MAPKAP1: variants seen among roughly 807,000 people sequenced by gnomAD.
MAPKAP1 encodes target of rapamycin complex 2 subunit MAPKAP1.
MAPKAP1 carries 20 observed loss-of-function variants against 65.7 expected under a neutral mutation model. The observed-to-expected ratio is 0.30, with a 90% CI of 0.21 to 0.44. The LOEUF (loss-of-function observed/expected upper bound fraction) is 0.44, where lower values mean the gene tolerates loss of function less well. Ranked by LOEUF, MAPKAP1 falls within the 20% of genes least tolerant of loss-of-function variation. The pLI is 1.00. For synonymous variants in MAPKAP1, 222 were observed against 244.3 expected (o/e 0.91, Z 0.85); for missense variants, 423 against 648.0 (o/e 0.65, Z 3.77).
intron 4 of MAPKAP1, among the ~76,000 whole-genome samples, chr9:125,644,418 T>C (rs1031032379): frequency 3.9e-5 from 6 of 151,992 alleles, no homozygotes; most frequent in South Asian, 2.1e-4. Context: ...AATGGCAAAA[T>C]TAATTTTTGC....
At chr9:125,687,613 C>A (rs377061707) in intron 1 of MAPKAP1, among the ~76,000 whole-genome samples, 75 of 129,488 alleles carry the variant, frequency 5.8e-4, no homozygotes, top group Admixed American at 5.5e-4. Context: ...CCCACCTATA[C>A]AAAAAAAAAA....
intron 9 of MAPKAP1, among the ~76,000 whole-genome samples, chr9:125,480,896 C>T (rs564748972): frequency 2.7e-5 from 4 of 146,990 alleles, no homozygotes; most frequent in Non-Finnish European, 4.4e-5. Context: ...GGCGTGAACC[C>T]GGTAGGAGGA....
chr9:125,531,509 T>C (rs568109477), intron 7 of MAPKAP1, among the ~76,000 whole-genome samples: 2 of 152,258 alleles, frequency 1.3e-5, no homozygotes, highest in Non-Finnish European at 1.5e-5. Flanking sequence ...TGGGAGAAAC[T>C]ATGACCTCAA....
At chr9:125,514,793 G>T (rs1829412363) in intron 7 of MAPKAP1, among the ~76,000 whole-genome samples, 1 of 152,168 alleles carries the variant, frequency 6.6e-6, no homozygotes, top group African/African-American at 2.4e-5. Context: ...ATGGCAGGAA[G>T]ACCCATTCCA....
chr9:125,448,165 T>G (rs1470284824), intron 10 of MAPKAP1, among the ~76,000 whole-genome samples: 2 of 152,124 alleles, frequency 1.3e-5, no homozygotes, highest in Non-Finnish European at 2.9e-5. Flanking sequence ...AGTGCAGTTT[T>G]GAGCTAGACA....
intron 3 of MAPKAP1, among the ~76,000 whole-genome samples, chr9:125,668,549 T>C (rs186718279): frequency 3.8e-4 from 58 of 152,308 alleles, no homozygotes; most frequent in African/African-American, 1.2e-3. Flanking sequence ...ACTGCAGATA[T>C]TTCTTTTAAA....
At position 125,631,221 on chromosome 9, in the gene MAPKAP1, G is replaced by T. The variant is rs1438250685; in HGVS notation, c.498+26430C>A. 1.3e-5 allele frequency among the ~76,000 whole-genome samples: 2 copies of T among 152,234 alleles called. 1 individual carries two copies. The highest frequency in any genetic ancestry group is 4.8e-5 in the African/African-American group (2 of 41,548). On this transcript the variant is annotated intron_variant, in intron 4 of 11. Coordinates refer to ENST00000265960, the MANE Select transcript of MAPKAP1 (RefSeq NM_001006617.3). ...TAAAAGCAGCCTGAGGCCCTCACCAGGTGCAGATGCCCAATCTCGAACTTT... is the reference window on the plus strand; with the variant it reads ...TAAAAGCAGCCTGAGGCCCTCACCATGTGCAGATGCCCAATCTCGAACTTT...
intron 8 of MAPKAP1, among the ~76,000 whole-genome samples, chr9:125,500,197 C>T (rs1024087168): frequency 2.0e-5 from 3 of 152,022 alleles, no homozygotes; most frequent in Non-Finnish European, 4.4e-5. Context: ...GAGTCTCGCT[C>T]TGTGGCCCAG....
chr9:125,622,333 T>C (rs1472961743), intron 4 of MAPKAP1, among the ~76,000 whole-genome samples: 3 of 152,240 alleles, frequency 2.0e-5, no homozygotes, highest in African/African-American at 2.4e-5. Context: ...ACAGAAATGA[T>C]GTTTGTGATA....
At chr9:125,575,022 T>A (rs1433539314) in intron 5 of MAPKAP1, among the ~76,000 whole-genome samples, 1 of 152,182 alleles carries the variant, frequency 6.6e-6, no homozygotes, top group Non-Finnish European at 1.5e-5. Context: ...CAGAAAGATG[T>A]TAACACAATT....
chr9:125,481,952 A>C (rs1038161795), intron 9 of MAPKAP1, among the ~76,000 whole-genome samples: 3 of 151,704 alleles, frequency 2.0e-5, no homozygotes, highest in African/African-American at 4.8e-5. Context: ...CCACATGGTG[A>C]AACCCCGTCT....
intron 4 of MAPKAP1, among the ~76,000 whole-genome samples, chr9:125,634,291 T>G (rs1346045912): frequency 1.3e-5 from 2 of 152,216 alleles, no homozygotes; most frequent in African/African-American, 4.8e-5. Flanking sequence ...GTATTTAATC[T>G]GCTGAAACAG....
intron 4 of MAPKAP1, chr9:125,596,648 C>CT: frequency 1.6e-6 from 1 of 617,482 alleles, no homozygotes; most frequent in Non-Finnish European, 3.1e-6. Context: ...GCAAACAAAG[C>CT]TTAACAGGAG....
At chr9:125,596,256 G>T in intron 4 of MAPKAP1, 2 of 763,232 alleles carry the variant, frequency 2.6e-6, no homozygotes, top group Non-Finnish European at 4.8e-6. Context: ...AGGTCGAAGT[G>T]GTTCTGGAAA....
intron 3 of MAPKAP1, among the ~76,000 whole-genome samples, chr9:125,662,614 C>T (rs1323190128): frequency 1.3e-5 from 2 of 151,994 alleles, no homozygotes; most frequent in African/African-American, 4.8e-5. Flanking sequence ...ACCCAGGAGG[C>T]GGAGCTTGCA....
chr9:125,584,063 CAAA>C (rs768787779), intron 5 of MAPKAP1, among the ~76,000 whole-genome samples: 3 of 128,116 alleles, frequency 2.3e-5, no homozygotes, highest in Non-Finnish European at 3.4e-5. Context: ...ACTCCGTCTC[CAAA>C]AAAAAAAAAA....
At chr9:125,661,049 CA>C (rs1834171262) in intron 3 of MAPKAP1, among the ~76,000 whole-genome samples, 1 of 152,036 alleles carries the variant, frequency 6.6e-6, no homozygotes, top group Non-Finnish European at 1.5e-5. Context: ...CTGAACAACA[CA>C]CATAGAAAAA....
chr9:125,605,716 GCTCAGAA>G, intron 4 of MAPKAP1, among the ~76,000 whole-genome samples: 1 of 152,306 alleles, frequency 6.6e-6, no homozygotes, highest in South Asian at 2.1e-4. Context: ...GGCTCCAGCT[GCTCAGAA>G]AAGATGTTCT....
intron 7 of MAPKAP1, among the ~76,000 whole-genome samples, chr9:125,517,951 G>A (rs1346764302): frequency 4.1e-5 from 6 of 148,086 alleles, no homozygotes; most frequent in Middle Eastern, 6.9e-3. Context: ...CTTTGAAGAC[G>A]GGGTGGGAGG....
Sources: gnomAD v4.1 joint callset for allele counts (sites outside exome capture counted in the v4.1 genomes callset) on GRCh38, gnomAD v4.1.1 for gene constraint, MANE v1.5 for transcripts, NCBI Gene and HGNC (gene_info 2026-07-23, HGNC 2026-07-21) for gene names.